Variants in PLCH2 observed in about 807,000 individuals in gnomAD.
PLCH2 encodes phospholipase C eta 2.
In PLCH2, 98 loss-of-function variants were observed where a neutral mutation model predicts 134.7. The observed-to-expected ratio is 0.73, with a 90% CI of 0.62 to 0.86. The LOEUF (loss-of-function observed/expected upper bound fraction) is 0.86, where lower values mean the gene tolerates loss of function less well. Among genes scored for constraint, PLCH2 ranks in the 40% least tolerant of loss-of-function variants. PLCH2 has a pLI of 0.00. For synonymous variants in PLCH2, 974 were observed against 827.5 expected (o/e 1.18, Z -3.04); for missense variants, 1,994 against 1,986.6 (o/e 1.00, Z -0.07).
rs1642353056 is a variant in PLCH2 at position 2,487,546 on chromosome 1, G to A, written c.1115-52G>A. On this transcript the variant is annotated intron_variant, in intron 7 of 21. Coordinates refer to ENST00000378486, the MANE Select transcript of PLCH2 (RefSeq NM_014638.4). ...CTTTTGGTCGAAGCTCAGCCTGCCT[G>A]GGCTCACTGTGGCTAGGCCCCTGGG... 3 of 1,583,164 alleles carry A rather than the reference G, an allele frequency of 1.9e-6. No individual in the cohort carries two copies. In the Admixed American group the frequency reaches 5.3e-5, roughly 28 times the overall value.
Position 2,489,390 on chromosome 1 carries a change from C to T in PLCH2, c.1407+12C>T. The T allele has an allele frequency of 1.2e-6, 2 of 1,612,842 alleles. No individual in the cohort carries two copies. The highest frequency in any genetic ancestry group is 1.7e-6 in the Non-Finnish European group (2 of 1,179,458). ...AGATCCTCGTGAAGGTGAGTGAGCCCCTGCCCTCCTGGGACCAGCTCACAC... is the reference window on the plus strand; with the variant it reads ...AGATCCTCGTGAAGGTGAGTGAGCCTCTGCCCTCCTGGGACCAGCTCACAC... On this transcript the variant is annotated intron_variant, in intron 9 of 21. Coordinates refer to ENST00000378486, the MANE Select transcript of PLCH2 (RefSeq NM_014638.4).
the PLCH2 span, among the ~76,000 whole-genome samples, chr1:2,416,232 G>T: frequency 5.9e-5 from 9 of 152,210 alleles, no homozygotes; most frequent in African/African-American, 2.2e-4. Context: ...GCAGGTCGGG[G>T]TCCCTGGGTG....
intron 2 of PLCH2, among the ~76,000 whole-genome samples, chr1:2,456,812 T>G (rs1313558169): frequency 1.3e-5 from 2 of 152,236 alleles, no homozygotes; most frequent in East Asian, 3.9e-4. Flanking sequence ...TAGGACCTTT[T>G]TCTGCCCCTT....
At chr1:2,471,833 C>T (rs1641338480), upstream of PLCH2, among the ~76,000 whole-genome samples, 1 of 152,188 alleles carries the variant, frequency 6.6e-6, no homozygotes, top group South Asian at 2.1e-4. Flanking sequence ...CCCCAGGGCC[C>T]CCTCCGGCCT....
chr1:2,460,782 G>A (rs1316761136), intron 2 of PLCH2, among the ~76,000 whole-genome samples: 1 of 152,124 alleles, frequency 6.6e-6, no homozygotes, highest in African/African-American at 2.4e-5. Flanking sequence ...GCCAGGGGCT[G>A]ACCTGAGCTC....
chr1:2,458,321 C>T (rs1640599576), intron 2 of PLCH2, among the ~76,000 whole-genome samples: 1 of 152,210 alleles, frequency 6.6e-6, no homozygotes, highest in Non-Finnish European at 1.5e-5. Flanking sequence ...CATCCAGCTG[C>T]CTTGGAGCAG....
At chr1:2,449,029 G>C (rs1640073838) in intron 2 of PLCH2, among the ~76,000 whole-genome samples, 1 of 152,166 alleles carries the variant, frequency 6.6e-6, no homozygotes, top group South Asian at 2.1e-4. Flanking sequence ...GCAGGCTCCA[G>C]GCCCCACCAG....
At position 2,489,423 on chromosome 1, in the gene PLCH2, C is replaced by T. The variant is rs764961851; in HGVS notation, c.1407+45C>T. 4.0e-5 allele frequency: 64 copies of T among 1,596,006 alleles called. 1 individual carries two copies. The highest frequency in any genetic ancestry group is 6.7e-5 in the South Asian group (6 of 90,004). ...CCTGGGACCAGCTCACACAGAGTCTCGGGCCTGCAGCAGTGCCCTGCTCCA... is the reference window on the plus strand; with the variant it reads ...CCTGGGACCAGCTCACACAGAGTCTTGGGCCTGCAGCAGTGCCCTGCTCCA... On this transcript the variant is annotated intron_variant, in intron 9 of 21. Transcript: ENST00000378486.
chr1:2,457,194 C>T (rs971261709), intron 2 of PLCH2, among the ~76,000 whole-genome samples: 2 of 152,092 alleles, frequency 1.3e-5, no homozygotes, highest in Non-Finnish European at 2.9e-5. Flanking sequence ...GAGATGTGAA[C>T]TGACCAGCTG....
chr1:2,478,372 C>T lies in PLCH2; in HGVS notation c.125-104C>T, dbSNP rs41315658. ...GAGTGGCCGTGCCTCCGCTGACGGC[C>T]GTGTTTCTCCCGTGAGGAGTGGCCG... On this transcript the variant is annotated intron_variant, in intron 1 of 21. Transcript: ENST00000378486. 6,469 of 1,402,148 alleles carry T rather than the reference C, an allele frequency of 4.6e-3. 16 individuals are homozygous for T. The highest frequency in any genetic ancestry group is 5.3e-3 in the Non-Finnish European group (5,349 of 1,014,536). The allele number at this position is 1,402,148 out of a possible 1,614,324, so 86.9% of individuals were successfully genotyped here.
At chr1:2,427,812 G>A (rs10910072) in intron 1 of PLCH2, among the ~76,000 whole-genome samples, 5 of 151,842 alleles carry the variant, frequency 3.3e-5, no homozygotes, top group Non-Finnish European at 7.4e-5. Flanking sequence ...GGAGCCCTCC[G>A]GGGGTGGGAG....
chr1:2,489,339 C>A lies in PLCH2; in HGVS notation c.1368C>A (p.Leu456=), dbSNP rs1361067671. 6.2e-7 allele frequency: 1 copy of A among 1,613,854 alleles called. No individual in the cohort carries two copies. Among genetic ancestry groups the A allele is most frequent in the South Asian group, 1.1e-5 (1 of 91,086 alleles). The change falls in exon 9 of 22, where the codon CTC becomes CTA. Residue 456 remains leucine (L), a synonymous_variant. Transcript: ENST00000378486. ...SSVSSEDATT[L]PSPQMLKGKI... is the part of the protein sequence containing the mutation. ...TGAGCAGTGAAGATGCCACCACACTCCCCTCTCCACAGATGCTCAAGGGCA... is the reference window on the plus strand; with the variant it reads ...TGAGCAGTGAAGATGCCACCACACTACCCTCTCCACAGATGCTCAAGGGCA...
intron 2 of PLCH2, among the ~76,000 whole-genome samples, chr1:2,449,642 AGGTGGTGTCACT>A (rs1409734326): frequency 6.6e-6 from 1 of 152,212 alleles, no homozygotes; most frequent in African/African-American, 2.4e-5. Context: ...AGCTCTGCCC[AGGTGGTGTCACT>A]GGGGTGGAGG....
Position 2,494,926 on chromosome 1 carries a change from TG to T in PLCH2, c.1733del (p.Gly578GlufsTer13). On this transcript the variant is annotated frameshift_variant, in exon 12 of 22. Transcript: ENST00000378486. LOFTEE classifies it high-confidence loss of function. ...AGCAGACGCAATGGCCGCCTCGTCG[TG>T]GGAAGCTTCTCCAGGCGCAAGGTCC... ...GASRRNGRLV[V>X]GSFSRRKKKG... 6.3e-7 allele frequency: 1 copy of T among 1,599,436 alleles called. No individual in the cohort carries two copies.
In PLCH2 at chr1:2,488,332, G is replaced by C. The variant is rs113939146; in HGVS notation, c.1235+614G>C. On this transcript the variant is annotated intron_variant, in intron 8 of 21. Transcript: ENST00000378486. ...CATTGCAAGGCACAGGGGCGGGGAT[G>C]GGGGGAGGAGAGATGAGCTGGGAGG... is the stretch of plus-strand genomic sequence containing the variant. 4.2e-3 allele frequency among the ~76,000 whole-genome samples: 639 copies of C among 152,294 alleles called. 5 individuals are homozygous for C. Among genetic ancestry groups the C allele is most frequent in the Non-Finnish European group, 5.9e-3 (399 of 68,028 alleles).
At chr1:2,503,290 TGG>T in intron 21 of PLCH2, 1 of 559,694 alleles carries the variant, frequency 1.8e-6, no homozygotes, top group Non-Finnish European at 3.2e-6. Context: ...ATGCCTTTCC[TGG>T]GACTGGGGGC....
At chr1:2,434,091 T>G (rs1398326942) in intron 2 of PLCH2, among the ~76,000 whole-genome samples, 1 of 152,244 alleles carries the variant, frequency 6.6e-6, no homozygotes, top group Non-Finnish European at 1.5e-5. Context: ...GTTGTTTCCT[T>G]GGAGGCTGCG....
chr1:2,437,935 C>G (rs977326687), intron 2 of PLCH2, among the ~76,000 whole-genome samples: 1 of 152,240 alleles, frequency 6.6e-6, no homozygotes, highest in Non-Finnish European at 1.5e-5. Flanking sequence ...TCTTTGGCCT[C>G]GAAGGCCTTC....
intron 2 of PLCH2, among the ~76,000 whole-genome samples, chr1:2,449,777 G>A (rs1297985607): frequency 1.3e-5 from 2 of 152,230 alleles, no homozygotes; most frequent in African/African-American, 4.8e-5. Context: ...GCAGGGCTGT[G>A]TGGCTGCCTG....
Sources: gnomAD v4.1 joint callset for allele counts (sites outside exome capture counted in the v4.1 genomes callset) on GRCh38, gnomAD v4.1.1 for gene constraint, MANE v1.5 for transcripts, NCBI Gene and HGNC (gene_info 2026-07-23, HGNC 2026-07-21) for gene names.